Variants in XKR4 observed in about 807,000 individuals in gnomAD.
XKR4 encodes XK-related protein 4.
A neutral mutation model predicts 53.9 loss-of-function variants in XKR4; 12 were observed. That is an observed-to-expected ratio of 0.22 (90% CI 0.14 to 0.36). The LOEUF (loss-of-function observed/expected upper bound fraction) is 0.36. Among genes scored for constraint, XKR4 ranks in the 10% least tolerant of loss-of-function variants. The pLI is 1.00. For missense variants in XKR4, 799 were observed against 859.5 expected (o/e 0.93, Z 0.88); for synonymous variants, 354 against 362.4 (o/e 0.98, Z 0.26).
chr8:55,369,024 T>C (rs919403646), intron 2 of XKR4, among the ~76,000 whole-genome samples: 1 of 152,102 alleles, frequency 6.6e-6, no homozygotes, highest in Non-Finnish European at 1.5e-5. Flanking sequence ...AAAACCCAAG[T>C]ATGCATGAAG....
chr8:55,206,872 G>C (rs911838610), intron 1 of XKR4, among the ~76,000 whole-genome samples: 1 of 152,168 alleles, frequency 6.6e-6, no homozygotes, highest in Non-Finnish European at 1.5e-5. Context: ...AGATGCCAAG[G>C]CTTAGAATTA....
chr8:55,454,704 G>T (rs1585582830), intron 2 of XKR4: 2 of 861,914 alleles, frequency 2.3e-6, no homozygotes, highest in East Asian at 2.4e-5. Context: ...CCACGTGGAC[G>T]GCATAGATGA....
chr8:55,194,004 A>G (rs778527455), intron 1 of XKR4, among the ~76,000 whole-genome samples: 19 of 152,094 alleles, frequency 1.2e-4, no homozygotes, highest in Admixed American at 1.0e-3. Flanking sequence ...CCTAGCACTT[A>G]GCCTGAAACC....
At chr8:55,439,764 AAAAAT>A (rs1482056918) in intron 2 of XKR4, among the ~76,000 whole-genome samples, 2 of 152,206 alleles carry the variant, frequency 1.3e-5, no homozygotes, top group Non-Finnish European at 2.9e-5. Context: ...GTACTTCCAG[AAAAAT>A]AAAATAAAGG....
chr8:55,486,930 C>A (rs545125215), intron 2 of XKR4, among the ~76,000 whole-genome samples: 1 of 152,206 alleles, frequency 6.6e-6, no homozygotes, highest in East Asian at 1.9e-4. Context: ...TTCAGTTTCC[C>A]CAATACCAAA....
intron 1 of XKR4, among the ~76,000 whole-genome samples, chr8:55,138,982 C>T (rs1015353975): frequency 5.3e-5 from 8 of 152,158 alleles, no homozygotes; most frequent in Non-Finnish European, 1.0e-4. Context: ...TAAGAAATGA[C>T]GTGGCTCGTC....
At chr8:55,125,216 C>T (rs1816447603) in intron 1 of XKR4, among the ~76,000 whole-genome samples, 1 of 152,020 alleles carries the variant, frequency 6.6e-6, no homozygotes, top group Non-Finnish European at 1.5e-5. Flanking sequence ...TATTAACTTG[C>T]TGGTTTTTCT....
At chr8:55,218,879 T>C (rs1472699251) in intron 1 of XKR4, among the ~76,000 whole-genome samples, 1 of 152,190 alleles carries the variant, frequency 6.6e-6, no homozygotes, top group Admixed American at 6.5e-5. Flanking sequence ...TAGTGTTCTG[T>C]AGGAATTGTT....
At chr8:55,523,157 AAG>A in intron 2 of XKR4, 122 bp from the exon 3 acceptor site, 1 of 853,554 alleles carries the variant, frequency 1.2e-6, no homozygotes, top group Non-Finnish European at 1.8e-6. Context: ...AAAAAAAAAA[AAG>A]AAATTAAGAG....
chr8:55,452,668 T>G (rs1805472342), intron 2 of XKR4: 3 of 1,431,348 alleles, frequency 2.1e-6, no homozygotes, highest in Non-Finnish European at 2.9e-6. Context: ...GTGACCCCAC[T>G]CTCTGTGCAG....
intron 2 of XKR4, chr8:55,449,713 C>T (rs1385232795): frequency 5.0e-5 from 45 of 903,896 alleles, no homozygotes; most frequent in South Asian, 1.4e-4. Flanking sequence ...CACCCTTGCA[C>T]TCAGTGTCCA....
Position 55,523,539 on chromosome 8 carries a change from A to C in XKR4, c.1265A>C (p.Glu422Ala). 6.2e-7 allele frequency: 1 copy of C among 1,614,198 alleles called. No homozygotes were observed. Among genetic ancestry groups the C allele is most frequent in the Middle Eastern group, 1.6e-4 (1 of 6,062 alleles). The change falls in exon 3 of 3, where the codon GAA (glutamate) becomes GCA (alanine). Residue 422 changes from glutamate to alanine, a missense_variant. Transcript: ENST00000327381. ...TTCTGGATCGTCCACTGTGAGACAG[A>C]ATTCTGTATCACCAAATGGGAAGAG... ...MTFWIVHCET[E>A]FCITKWEEIV...
intron 1 of XKR4, among the ~76,000 whole-genome samples, chr8:55,152,615 C>T (rs1354677881): frequency 6.6e-6 from 1 of 152,124 alleles, no homozygotes; most frequent in African/African-American, 2.4e-5. Flanking sequence ...TATACCAAAT[C>T]TAGCAATGGT....
At chr8:55,118,175 A>C (rs1407332991) in intron 1 of XKR4, among the ~76,000 whole-genome samples, 1 of 152,230 alleles carries the variant, frequency 6.6e-6, no homozygotes, top group Non-Finnish European at 1.5e-5. Context: ...CGGAGACTAT[A>C]GGTCAGTTTT....
At chr8:55,520,728 A>T (rs939569449) in intron 2 of XKR4, among the ~76,000 whole-genome samples, 4 of 152,256 alleles carry the variant, frequency 2.6e-5, no homozygotes, top group Non-Finnish European at 4.4e-5. Context: ...CAAAGCTGAT[A>T]GAAAGCCTTC....
intron 2 of XKR4, among the ~76,000 whole-genome samples, chr8:55,500,833 G>C (rs972498968): frequency 6.6e-6 from 1 of 152,136 alleles, no homozygotes; most frequent in African/African-American, 2.4e-5. Flanking sequence ...GCATGCCACG[G>C]AGCTATAGGT....
At chr8:55,291,764 T>C (rs1268137834) in intron 1 of XKR4, among the ~76,000 whole-genome samples, 1 of 152,178 alleles carries the variant, frequency 6.6e-6, no homozygotes, top group African/African-American at 2.4e-5. Context: ...ATTTGTAGAT[T>C]CTTTGGGATT....
At chr8:55,241,278 A>G (rs372215663) in intron 1 of XKR4, among the ~76,000 whole-genome samples, 21 of 152,244 alleles carry the variant, frequency 1.4e-4, no homozygotes, top group African/African-American at 5.1e-4. Context: ...TCCCTCATAG[A>G]TCCCTATCCT....
rs2129407623 is a variant in XKR4 at position 55,539,350 on chromosome 8, T to C, written c.*15123T>C. 2 of 152,312 alleles carry C rather than the reference T, an allele frequency of 1.3e-5. No homozygotes were observed. The highest frequency in any genetic ancestry group is 6.8e-3 in the Middle Eastern group (2 of 294). 9.4% of individuals were successfully genotyped at this position (152,312 alleles called of 1,614,324 possible). On this transcript the variant is annotated 3_prime_UTR_variant, in exon 3 of 3. Transcript: ENST00000327381. ...CATTGTGAAAAAAATGTGCACACTCTTAAAAACACAAAATGGGTTTCAGAA... is the reference window on the plus strand; with the variant it reads ...CATTGTGAAAAAAATGTGCACACTCCTAAAAACACAAAATGGGTTTCAGAA...
Sources: allele counts gnomAD v4.1 joint callset (sites outside exome capture counted in the v4.1 genomes callset), GRCh38; gene constraint gnomAD v4.1.1; transcripts MANE v1.5; gene names NCBI Gene and HGNC (gene_info 2026-07-23, HGNC 2026-07-21).